MTSS1: variants seen among roughly 807,000 people sequenced by gnomAD.
MTSS1 encodes MTSS I-BAR domain containing 1, also known as protein MTSS 1.
MTSS1 carries 18 observed loss-of-function variants against 79.0 expected under a neutral mutation model. The observed-to-expected ratio is 0.23, with a 90% CI of 0.16 to 0.34. MTSS1 has a LOEUF of 0.34. MTSS1 is among the 10% of genes least tolerant of loss of function. The pLI is 1.00. For synonymous variants in MTSS1, 341 were observed against 368.6 expected (o/e 0.93, Z 0.86); for missense variants, 815 against 986.2 (o/e 0.83, Z 2.33).
intron 10 of MTSS1, among the ~76,000 whole-genome samples, chr8:124,562,150 A>G (rs1411746639): frequency 1.3e-5 from 2 of 152,198 alleles, no homozygotes; most frequent in Non-Finnish European, 2.9e-5. Flanking sequence ...GAGTGTTCAG[A>G]TGCCCTGGCC....
At chr8:124,570,780 G>A (rs2132159728) in intron 6 of MTSS1, among the ~76,000 whole-genome samples, 1 of 152,276 alleles carries the variant, frequency 6.6e-6, no homozygotes, top group East Asian at 1.9e-4. Context: ...ATAGCTCATT[G>A]CAGCCTCAGC....
chr8:124,669,094 A>T (rs952798424), intron 3 of MTSS1, among the ~76,000 whole-genome samples: 2 of 152,184 alleles, frequency 1.3e-5, no homozygotes, highest in African/African-American at 4.8e-5. Context: ...TCTCTCAGTA[A>T]ACACCAGCCA....
intron 3 of MTSS1, among the ~76,000 whole-genome samples, chr8:124,593,692 C>A (rs1832256975): frequency 6.6e-6 from 1 of 152,192 alleles, no homozygotes. Context: ...CGCAGCACCT[C>A]CAGCCGCATC....
At chr8:124,669,351 A>C (rs747365215) in intron 3 of MTSS1, among the ~76,000 whole-genome samples, 3 of 152,244 alleles carry the variant, frequency 2.0e-5, no homozygotes, top group African/African-American at 4.8e-5. Flanking sequence ...GGGGTGAATA[A>C]AACGTCCTTG....
At chr8:124,674,126 A>G (rs916443127) in intron 3 of MTSS1, among the ~76,000 whole-genome samples, 2 of 152,066 alleles carry the variant, frequency 1.3e-5, no homozygotes, top group Admixed American at 1.3e-4. Context: ...TACAGAATAT[A>G]TTATTTTATT....
At position 124,681,775 on chromosome 8, in the gene MTSS1, CA is replaced by C. The variant is rs747292395; in HGVS notation, c.208+17750del. ...TGCACTCCAGCCTCAGTGACAAGAG[CA>C]AAAAAAATGCCGTCTCAACAAAATA... is the stretch of plus-strand genomic sequence containing the variant. On this transcript the variant is annotated intron_variant, in intron 3 of 13. Transcript: ENST00000518547. 7.9e-5 allele frequency among the ~76,000 whole-genome samples: 12 copies of C among 151,498 alleles called. No individual in the cohort carries two copies. In the East Asian group the frequency reaches 1.7e-3, roughly 22 times the overall value.
Position 124,565,727 on chromosome 8 carries a change from G to A in MTSS1, c.759C>T (p.Ser253=). 9 of 1,614,074 alleles carry A rather than the reference G, an allele frequency of 5.6e-6. No individual in the cohort carries two copies. Among genetic ancestry groups the A allele is most frequent in the Non-Finnish European group, 6.8e-6 (8 of 1,180,028 alleles). The change falls in exon 9 of 14, where the codon AGC becomes AGT. Residue 253 remains serine, a synonymous_variant. Transcript: ENST00000518547. The stretch of plus-strand genomic sequence containing the variant: ...AAGAGGGTGGCGTCTGATACGACCA[G>A]CTGTAATCAGAACCTTTCAAGTCCA... ...VILDLKGSDY[S]WSYQTPPSSP... is the part of the protein sequence containing the mutation.
chr8:124,616,602 T>C (rs1207997162), intron 3 of MTSS1, among the ~76,000 whole-genome samples: 1 of 152,046 alleles, frequency 6.6e-6, no homozygotes, highest in African/African-American at 2.4e-5. Flanking sequence ...TCCCAGGTAT[T>C]AGAGTAGAGG....
intron 3 of MTSS1, among the ~76,000 whole-genome samples, chr8:124,613,603 A>G (rs2133343574): frequency 6.6e-6 from 1 of 152,352 alleles, no homozygotes; most frequent in South Asian, 2.1e-4. Context: ...AAAGACAGCT[A>G]CAGAAAGGTC....
At chr8:124,593,546 C>T (rs1563817037) in intron 3 of MTSS1, among the ~76,000 whole-genome samples, 1 of 152,180 alleles carries the variant, frequency 6.6e-6, no homozygotes, top group Non-Finnish European at 1.5e-5. Context: ...CCATAGAGCA[C>T]CACCATGCGA....
At chr8:124,557,621 CAGA>C in intron 11 of MTSS1, 57 bp downstream of exon 11, 1 of 1,453,338 alleles carries the variant, frequency 6.9e-7, no homozygotes, top group Non-Finnish European at 9.4e-7. Context: ...GGGGTTGGAA[CAGA>C]AGAGGGGTGA....
intron 3 of MTSS1, among the ~76,000 whole-genome samples, chr8:124,614,074 G>A (rs1836370205): frequency 6.6e-6 from 1 of 151,368 alleles, no homozygotes; most frequent in African/African-American, 2.4e-5. Context: ...TGAGGTGGGA[G>A]GATGGTTTAA....
chr8:124,685,444 T>G (rs569552548), intron 3 of MTSS1, among the ~76,000 whole-genome samples: 4 of 152,332 alleles, frequency 2.6e-5, no homozygotes, highest in Admixed American at 2.6e-4. Context: ...TACAGTACAG[T>G]GCTACGACAG....
rs535024689 is a variant in MTSS1, at chr8:124,604,218, T to TAAATA, written c.209-12988_209-12984dup. 4.0e-4 allele frequency among the ~76,000 whole-genome samples: 60 copies of TAAATA among 151,048 alleles called. No homozygotes were observed. In the South Asian group the frequency reaches 6.9e-3, roughly 17 times the overall value. ...ACAGAGTGAGACTCCATCTTAAAAA[T>TAAATA]AAATAAAATAAAATAAAATAAAAGC... On this transcript the variant is annotated intron_variant, in intron 3 of 13. Transcript: ENST00000518547.
At chr8:124,691,974 G>T (rs1404583783) in intron 3 of MTSS1, among the ~76,000 whole-genome samples, 4 of 151,686 alleles carry the variant, frequency 2.6e-5, no homozygotes, top group Admixed American at 2.6e-4. Context: ...AAAGAGTTTG[G>T]TAAGTAGTAA....
intron 3 of MTSS1, among the ~76,000 whole-genome samples, chr8:124,634,867 A>G (rs140540214): frequency 3.9e-4 from 59 of 152,364 alleles, no homozygotes; most frequent in African/African-American, 1.3e-3. Context: ...ATTTGACAGG[A>G]TCCCAAGCAA....
At chr8:124,560,193 T>A (rs1002403221) in intron 10 of MTSS1, among the ~76,000 whole-genome samples, 1 of 115,118 alleles carries the variant, frequency 8.7e-6, no homozygotes, top group Non-Finnish European at 1.9e-5. Context: ...GTCGAGAAAC[T>A]GAACTTAAAA....
At chr8:124,717,630 G>A (rs1016689106) in intron 1 of MTSS1, among the ~76,000 whole-genome samples, 2 of 152,206 alleles carry the variant, frequency 1.3e-5, no homozygotes, top group African/African-American at 2.4e-5. Context: ...GGAGGCAGAG[G>A]TTGCAGTGAG....
rs185939543 is a variant in MTSS1, at chr8:124,620,011, G to A, written c.209-28776C>T. Among the ~76,000 whole-genome samples the A allele has an allele frequency of 4.3e-3, 646 of 149,474 alleles. 3 individuals carry two copies. The highest frequency in any genetic ancestry group is 0.016 in the African/African-American group (629 of 39,198). ...TTCTTGGCCGGGCTGGAGTGCAATG[G>A]CGCGATCTTGGCTCACTGCAACCTC... is the stretch of plus-strand genomic sequence containing the variant. On this transcript the variant is annotated intron_variant, in intron 3 of 13. Coordinates refer to ENST00000518547, the MANE Select transcript of MTSS1 (RefSeq NM_014751.6).
Sources: gnomAD v4.1 joint callset for allele counts (sites outside exome capture counted in the v4.1 genomes callset) on GRCh38, gnomAD v4.1.1 for gene constraint, MANE v1.5 for transcripts, NCBI Gene and HGNC (gene_info 2026-07-23, HGNC 2026-07-21) for gene names.